Variants in HIF3A observed in about 807,000 individuals in gnomAD.
HIF3A encodes the protein hypoxia-inducible factor 3-alpha.
HIF3A carries 41 observed loss-of-function variants against 67.2 expected under a neutral mutation model. That is an observed-to-expected ratio of 0.61 (90% CI 0.48 to 0.79). HIF3A has a LOEUF of 0.79. Among genes scored for constraint, HIF3A ranks in the 30% least tolerant of loss-of-function variants. The pLI is 0.00. For missense variants in HIF3A, 855 were observed against 898.0 expected (o/e 0.95, Z 0.61); for synonymous variants, 356 against 374.8 (o/e 0.95, Z 0.58).
Position 46,329,247 on chromosome 19 carries a change from T to C in HIF3A, c.1481T>C (p.Ile494Thr). ...GATTTGGAGATGCTGGCCCCCTACA[T>C]CTCCATGGATGATGACTTCCAGCTC... ...ALDLEMLAPYISMDDDFQLNA... is the reference protein window; with the variant it reads ...ALDLEMLAPYTSMDDDFQLNA... The change falls in exon 12 of 15, where the codon ATC (isoleucine) becomes ACC (threonine). Residue 494 changes from isoleucine (I) to threonine (T), a missense_variant. Physicochemically the swap from Ile to Thr is moderately conservative, Grantham distance 89 (BLOSUM62 -1). Transcript: ENST00000377670. 1 of 1,612,276 alleles carries C rather than the reference T, an allele frequency of 6.2e-7. No homozygotes were observed. Among genetic ancestry groups the C allele is most frequent in the Non-Finnish European group, 8.5e-7 (1 of 1,179,354 alleles).
At chr19:46,309,110 C>T (rs1381060606) in intron 5 of HIF3A, 41 bp from the exon 6 acceptor site, 1 of 1,560,030 alleles carries the variant, frequency 6.4e-7, no homozygotes, top group East Asian at 2.3e-5. Context: ...GGTCTCAGGC[C>T]CAGAGGCACC....
In HIF3A at chr19:46,305,331, G is replaced by A. The variant is rs190378292; in HGVS notation, c.304G>A (p.Ala102Thr). ...GGAGGGCTTCGTCATGGTGCTCACC[G>A]CCGAGGGAGACATGGCTTACCTGTC... The part of the protein sequence containing the change: ...ALEGFVMVLT[A>T]EGDMAYLSEN... The change falls in exon 3 of 15, where the codon GCC (alanine) becomes ACC (threonine). Residue 102 changes from alanine (A) to threonine (T), a missense_variant. By Grantham distance (58) the Ala-to-Thr change is moderately conservative. Transcript: ENST00000377670. 3.0e-5 allele frequency: 48 copies of A among 1,614,096 alleles called. No individual in the cohort carries two copies. The South Asian group carries it at 3.4e-4, about 11-fold the overall frequency.
intron 13 of HIF3A, among the ~76,000 whole-genome samples, chr19:46,331,855 CAAA>C (rs532285027): frequency 3.9e-5 from 2 of 51,274 alleles, no homozygotes; most frequent in Non-Finnish European, 8.4e-5. Flanking sequence ...AACTCCGTCT[CAAA>C]AAAAAAAAAA....
intron 14 of HIF3A, 32 bp from the exon 15 acceptor site, chr19:46,339,493 T>C (rs1320953031): frequency 8.5e-6 from 12 of 1,404,002 alleles, no homozygotes; most frequent in Non-Finnish European, 1.2e-5. Flanking sequence ...GTCTTTTACC[T>C]TTCATTTATC....
At chr19:46,339,482 C>A in intron 14 of HIF3A, 43 bp from the exon 15 acceptor site, 2 of 1,304,580 alleles carry the variant, frequency 1.5e-6, no homozygotes, top group African/African-American at 1.5e-5. Flanking sequence ...ATTTATCTTT[C>A]GTCTTTTACC....
Position 46,329,282 on chromosome 19 carries a change from G to A in HIF3A, c.1516G>A (p.Glu506Lys), listed in dbSNP as rs555417714. 16 of 1,613,268 alleles carry A rather than the reference G, an allele frequency of 9.9e-6. No homozygotes were observed. The highest frequency in any genetic ancestry group is 4.5e-5 in the East Asian group (2 of 44,858). Reference protein sequence around the residue: ...MDDDFQLNASEQLPRAYHRPL... With the variant: ...MDDDFQLNASKQLPRAYHRPL... ...TGATGACTTCCAGCTCAACGCCAGC[G>A]AGCAGCTACCCAGGGCCTACCACAG... The change falls in exon 12 of 15, where the codon GAG (glutamate) becomes AAG (lysine). Residue 506 changes from glutamate (E) to lysine (K), a missense_variant. Around this residue, in one of 3 missense-constraint regions of HIF3A, gnomAD observed 18 missense variants for 43.7 expected, o/e 0.41. Transcript: ENST00000377670.
Position 46,312,174 on chromosome 19 carries a change from G to A in HIF3A, c.784G>A (p.Ala262Thr). The A allele has an allele frequency of 6.2e-7, 1 of 1,614,024 alleles. No individual in the cohort carries two copies. The highest frequency in any genetic ancestry group is 8.5e-7 in the Non-Finnish European group (1 of 1,179,966). The change falls in exon 7 of 15, where the codon GCT (alanine) becomes ACT (threonine). Residue 262 changes from alanine (A) to threonine (T), a missense_variant. Physicochemically the swap from Ala to Thr is moderately conservative, Grantham distance 58. This residue lies in a region of HIF3A where 638 missense variants were observed against 660.5 expected (regional missense o/e 0.97). Transcript: ENST00000377670. ...CCCCACCCCCAGGATTGCAGAAGTG[G>A]CTGGCTATAGTCCCGATGACCTGAT... ...TYCDDRIAEV[A>T]GYSPDDLIGC...
chr19:46,335,099 C>G (rs571942693), intron 14 of HIF3A, 113 bp downstream of exon 14: 35 of 743,084 alleles, frequency 4.7e-5, no homozygotes, highest in African/African-American at 4.2e-4. Flanking sequence ...TGGAGGTGAC[C>G]TTGGTGGAAA....
chr19:46,321,811 C>T lies in HIF3A; in HGVS notation c.1180C>T (p.Pro394Ser). 6.2e-7 allele frequency: 1 copy of T among 1,613,884 alleles called. No individual in the cohort carries two copies. The highest frequency in any genetic ancestry group is 8.5e-7 in the Non-Finnish European group (1 of 1,179,996). The change falls in exon 10 of 15, where the codon CCG (proline) becomes TCG (serine). Residue 394 changes from proline to serine, a missense_variant. Pro to Ser is a moderately conservative substitution (Grantham distance 74). Transcript: ENST00000377670. The stretch of plus-strand genomic sequence containing the variant: ...CCCCCGGATCCTTGCCTTCCTGCAC[C>T]CGCCTTCCCTGAGCGAGGCTGCCCT... ...PGPRILAFLHPPSLSEAALAA... is the reference protein window; with the variant it reads ...PGPRILAFLHSPSLSEAALAA...
intron 8 of HIF3A, among the ~76,000 whole-genome samples, chr19:46,315,651 T>C (rs4071668): frequency 0.9 from 136,789 of 152,182 alleles, 61,583 homozygotes; most frequent in Non-Finnish European, 0.93. Flanking sequence ...CAGTGGCTGA[T>C]GCCTGTAATC....
chr19:46,312,213 T>A lies in HIF3A; in HGVS notation c.823T>A (p.Tyr275Asn). Residue 275 changes from tyrosine (Y) to asparagine (N), a missense_variant, in exon 7 of 15, where the codon TAC becomes AAC. Physicochemically the swap from Tyr to Asn is moderately radical, Grantham distance 143. Around this residue, in one of 3 missense-constraint regions of HIF3A, gnomAD observed 638 missense variants for 660.5 expected, o/e 0.97. Coordinates refer to ENST00000377670, the MANE Select transcript of HIF3A (RefSeq NM_152795.4). ...CGATGACCTGATCGGCTGTTCCGCC[T>A]ACGAGTACATCCACGCGCTGGACTC... The part of the protein sequence containing the change: ...SPDDLIGCSA[Y>N]EYIHALDSDA... 1 of 1,613,966 alleles carries A rather than the reference T, an allele frequency of 6.2e-7. No individual in the cohort carries two copies. The highest frequency in any genetic ancestry group is 8.5e-7 in the Non-Finnish European group (1 of 1,179,962).
rs1601393849 is a variant in HIF3A, at chr19:46,339,765, C to T, written c.*143C>T. 1 of 498,218 alleles carries T rather than the reference C, an allele frequency of 2.0e-6. No individual in the cohort carries two copies. The highest frequency in any genetic ancestry group is 2.0e-5 in the African/African-American group (1 of 51,016). The allele number at this position is 498,218 out of a possible 1,614,324, so 30.9% of individuals were successfully genotyped here. On this transcript the variant is annotated 3_prime_UTR_variant, in exon 15 of 15. Transcript: ENST00000377670. ...GTACCCCCTGCCCACCTCGGGCCTA[C>T]CTCAGCCCTCACCCCTCTGCCTGCT...
rs1222732783 is a variant in HIF3A, at chr19:46,334,910, C to T, written c.1836C>T (p.Phe612=). The change falls in exon 14 of 15, where the codon TTC becomes TTT. Residue 612 remains phenylalanine, a synonymous_variant. Transcript: ENST00000377670. ...GCTTTGTCTCTCTCCCACAGAGTTT[C>T]CTTCTGACAGGAGGACCAGCCCCAG... ...NFLLFPLSLS[F]LLTGGPAPGS... The T allele has an allele frequency of 1.2e-6, 2 of 1,608,838 alleles. No individual in the cohort carries two copies. Among genetic ancestry groups the T allele is most frequent in the Non-Finnish European group, 1.7e-6 (2 of 1,177,542 alleles).
intron 7 of HIF3A, 42 bp downstream of exon 7, chr19:46,312,309 T>C (rs1326244637): frequency 9.9e-6 from 16 of 1,613,684 alleles, no homozygotes; most frequent in African/African-American, 1.3e-5. Flanking sequence ...AGCTGCCACA[T>C]GGCCCCCAGC....
At chr19:46,315,073 T>TTTTTGTATTG (rs1969807461) in intron 8 of HIF3A, among the ~76,000 whole-genome samples, 1 of 142,052 alleles carries the variant, frequency 7.0e-6, no homozygotes, top group South Asian at 2.4e-4. Flanking sequence ...TTTCTTGGTT[T>TTTTTGTATTG]TTTTGTTTTG....
intron 6 of HIF3A, 48 bp from the exon 7 acceptor site, chr19:46,312,113 T>G: frequency 7.2e-7 from 1 of 1,387,350 alleles, no homozygotes; most frequent in Non-Finnish European, 1.0e-6. Context: ...CTACCCTCTC[T>G]CTCACCCAGT....
chr19:46,318,538 G>C (rs1413026218), intron 8 of HIF3A, among the ~76,000 whole-genome samples: 2 of 101,436 alleles, frequency 2.0e-5, no homozygotes, highest in African/African-American at 7.7e-5. Context: ...GAGAGAGTGA[G>C]ATCCTGTCTC....
chr19:46,317,017 G>A (rs999036922), intron 8 of HIF3A, among the ~76,000 whole-genome samples: 6 of 151,970 alleles, frequency 3.9e-5, no homozygotes, highest in South Asian at 2.1e-4. Context: ...AACAGGGCTC[G>A]CTGCAGCCCT....
intron 8 of HIF3A, chr19:46,312,876 C>A: frequency 3.0e-6 from 3 of 990,694 alleles, no homozygotes; most frequent in Non-Finnish European, 2.4e-6. Context: ...GGTGTGTAGA[C>A]TGTTAATTTT....
Sources: gnomAD v4.1 joint callset for allele counts (sites outside exome capture counted in the v4.1 genomes callset) on GRCh38, gnomAD v4.1.1 for gene constraint, gnomAD v4.1.1 regional missense constraint, MANE v1.5 for transcripts, NCBI Gene and HGNC (gene_info 2026-07-23, HGNC 2026-07-21) for gene names.